Variants in SEMA5A observed in about 807,000 individuals in gnomAD.
SEMA5A encodes the protein semaphorin 5A.
A neutral mutation model predicts 135.5 loss-of-function variants in SEMA5A; 55 were observed. The ratio of observed to expected loss-of-function variants is 0.41; its 90% CI spans 0.33 to 0.51. The LOEUF is 0.51. Ranked by LOEUF, SEMA5A falls within the 20% of genes least tolerant of loss-of-function variation. SEMA5A has a pLI of 0.37. For missense variants in SEMA5A, 1,290 were observed against 1,419.9 expected (o/e 0.91, Z 1.47); for synonymous variants, 580 against 546.5 (o/e 1.06, Z -0.85).
chr5:9,262,839 A>G lies in SEMA5A; in HGVS notation c.271-24949T>C, dbSNP rs187676361. 9.2e-3 allele frequency among the ~76,000 whole-genome samples: 1,207 copies of G among 131,776 alleles called. 23 individuals are homozygous for G. Among genetic ancestry groups the G allele is most frequent in the African/African-American group, 0.032 (1,124 of 34,612 alleles). The allele number at this position is 131,776 out of a possible 152,430, so 86.5% of individuals were successfully genotyped here. A position where few individuals can be genotyped will look rare whatever the true frequency, so the allele number is the denominator to read the frequency against. ...TGCAGCGCACCAGCATGGCACATGT[A>G]TACATATGTAACTAACCTGCACAAT... On this transcript the variant is annotated intron_variant, in intron 5 of 22. Coordinates refer to ENST00000382496, the MANE Select transcript of SEMA5A (RefSeq NM_003966.3).
chr5:9,181,930 T>C (rs1330500141), intron 11 of SEMA5A, among the ~76,000 whole-genome samples: 2 of 151,824 alleles, frequency 1.3e-5, no homozygotes, highest in Non-Finnish European at 2.9e-5. Context: ...TAGATGGGTA[T>C]CTATTTCCTG....
intron 5 of SEMA5A, among the ~76,000 whole-genome samples, chr5:9,251,712 A>G (rs897534770): frequency 3.3e-5 from 5 of 152,178 alleles, no homozygotes; most frequent in African/African-American, 4.8e-5. Context: ...GAATCAGACA[A>G]TGTGTGACAG....
intron 2 of SEMA5A, among the ~76,000 whole-genome samples, chr5:9,410,201 A>G (rs1420140304): frequency 3.9e-5 from 6 of 152,200 alleles, no homozygotes. Context: ...TGGGAAAAAA[A>G]TCATATGATC....
At chr5:9,510,733 T>C (rs1167587156) in intron 1 of SEMA5A, among the ~76,000 whole-genome samples, 1 of 152,260 alleles carries the variant, frequency 6.6e-6, no homozygotes, top group Non-Finnish European at 1.5e-5. Flanking sequence ...AAATTTTGCA[T>C]GTATTGGTAT....
chr5:9,477,902 G>A (rs750354836), intron 1 of SEMA5A, among the ~76,000 whole-genome samples: 3 of 152,150 alleles, frequency 2.0e-5, no homozygotes, highest in African/African-American at 4.8e-5. Context: ...TGGGGAAAAC[G>A]TCTCCAAGGC....
chr5:9,242,430 G>T (rs926028027), intron 5 of SEMA5A, among the ~76,000 whole-genome samples: 1 of 152,172 alleles, frequency 6.6e-6, no homozygotes, highest in South Asian at 2.1e-4. Context: ...CAATGTGTTT[G>T]TTATTTTTTC....
intron 5 of SEMA5A, among the ~76,000 whole-genome samples, chr5:9,246,527 T>C (rs1255970267): frequency 1.3e-5 from 2 of 152,220 alleles, no homozygotes; most frequent in Non-Finnish European, 2.9e-5. Context: ...AAATGTTTGC[T>C]AGCAATTAGA....
At chr5:9,348,514 C>A (rs1225371170) in intron 3 of SEMA5A, among the ~76,000 whole-genome samples, 1 of 152,192 alleles carries the variant, frequency 6.6e-6, no homozygotes, top group Non-Finnish European at 1.5e-5. Flanking sequence ...TACTTTGAGT[C>A]ACCCATAGGA....
At position 9,208,932 on chromosome 5, in the gene SEMA5A, C is replaced by G. The variant is rs972545186; in HGVS notation, c.647-6692G>C. ...GTGTGTCACTCATTGAGCCCCTTGA[C>G]AGAAAAAAGTTATTGCTAAGACCCT... On this transcript the variant is annotated intron_variant, in intron 8 of 22. Coordinates refer to ENST00000382496, the MANE Select transcript of SEMA5A (RefSeq NM_003966.3). Among the ~76,000 whole-genome samples, 8 of 152,216 alleles carry G rather than the reference C, an allele frequency of 5.3e-5. No homozygotes were observed. In the South Asian group the frequency reaches 1.7e-3, roughly 32 times the overall value.
intron 2 of SEMA5A, among the ~76,000 whole-genome samples, chr5:9,384,275 C>G (rs1805923): frequency 0.011 from 1,694 of 152,126 alleles, 27 homozygotes; most frequent in African/African-American, 0.039. Flanking sequence ...GGTCCATATT[C>G]CACTGAATCA....
chr5:9,232,786 T>A (rs544568887), intron 6 of SEMA5A, among the ~76,000 whole-genome samples: 1 of 152,334 alleles, frequency 6.6e-6, no homozygotes, highest in East Asian at 1.9e-4. Flanking sequence ...CTAATGTTAG[T>A]ATTTAACCTA....
rs568541877 is a variant in SEMA5A at position 9,093,366 on chromosome 5, C to A, written c.2073+14774G>T. Among the ~76,000 whole-genome samples the A allele has an allele frequency of 3.9e-5, 6 of 152,228 alleles. No individual in the cohort carries two copies. In the East Asian group the frequency reaches 1.2e-3, roughly 29 times the overall value. ...CAGAGTTCTACTGTGTAAATTTTAA[C>A]CCAAGAAAGTTGGTACAGGTCTAAT... On this transcript the variant is annotated intron_variant, in intron 16 of 22. Transcript: ENST00000382496.
At chr5:9,203,609 G>A (rs1207332383) in intron 8 of SEMA5A, among the ~76,000 whole-genome samples, 2 of 152,032 alleles carry the variant, frequency 1.3e-5, no homozygotes, top group Admixed American at 1.3e-4. Flanking sequence ...ACCTATATTC[G>A]ATATTTTCAC....
At chr5:9,083,547 T>C (rs1738506036) in intron 16 of SEMA5A, among the ~76,000 whole-genome samples, 2 of 152,026 alleles carry the variant, frequency 1.3e-5, no homozygotes, top group African/African-American at 4.8e-5. Flanking sequence ...AACACAGTTA[T>C]GATAATCAAA....
intron 1 of SEMA5A, among the ~76,000 whole-genome samples, chr5:9,505,002 T>C (rs1735796666): frequency 6.6e-6 from 1 of 152,246 alleles, no homozygotes; most frequent in Non-Finnish European, 1.5e-5. Context: ...CATTTTTAAC[T>C]GAAATAAATA....
intron 16 of SEMA5A, among the ~76,000 whole-genome samples, chr5:9,068,868 C>T (rs780298712): frequency 9.2e-5 from 14 of 152,112 alleles, no homozygotes; most frequent in East Asian, 3.9e-4. Flanking sequence ...AAATGTATTA[C>T]GGTAAAAGAC....
chr5:9,491,828 C>G (rs533873793), intron 1 of SEMA5A, among the ~76,000 whole-genome samples: 1 of 152,296 alleles, frequency 6.6e-6, no homozygotes, highest in East Asian at 1.9e-4. Context: ...GTCCTACAAT[C>G]ATGAGTGGAT....
At chr5:9,052,515 G>A (rs895090054) in intron 19 of SEMA5A, among the ~76,000 whole-genome samples, 1 of 152,192 alleles carries the variant, frequency 6.6e-6, no homozygotes, top group African/African-American at 2.4e-5. Context: ...AGAGTCCTGG[G>A]TTGCTGAAAG....
intron 11 of SEMA5A, among the ~76,000 whole-genome samples, chr5:9,189,156 G>A (rs930060904): frequency 6.6e-5 from 10 of 152,188 alleles, no homozygotes; most frequent in Non-Finnish European, 1.3e-4. Context: ...ACCTCCTGGC[G>A]GAGATCAATG....
Sources: allele counts gnomAD v4.1 joint callset (sites outside exome capture counted in the v4.1 genomes callset), GRCh38; gene constraint gnomAD v4.1.1; transcripts MANE v1.5; gene names NCBI Gene and HGNC (gene_info 2026-07-23, HGNC 2026-07-21).